Variants in STXBP4 observed in about 807,000 individuals in gnomAD.
STXBP4 encodes syntaxin-binding protein 4.
STXBP4 carries 55 observed loss-of-function variants against 76.1 expected under a neutral mutation model. The ratio of observed to expected loss-of-function variants is 0.72; its 90% confidence interval spans 0.58 to 0.91. The LOEUF is 0.91. STXBP4 is among the 40% of genes least tolerant of loss of function. The pLI, the probability that STXBP4 is intolerant of heterozygous loss-of-function variation, is 0.00. For synonymous variants in STXBP4, 201 were observed against 220.2 expected, an observed-to-expected ratio of 0.91 and a Z score of 0.77; for missense variants, 618 against 636.9, an observed-to-expected ratio of 0.97 and a Z score of 0.32.
In STXBP4 at chr17:55,161,568, G is replaced by C. The variant is rs1034598878; in HGVS notation, c.*1657G>C. 1.3e-5 allele frequency: 2 copies of C among 152,164 alleles called. No individual in the cohort carries two copies. Among genetic ancestry groups the C allele is most frequent in the Admixed American group, 6.5e-5 (1 of 15,276 alleles). The allele number at this position is 152,164 out of a possible 1,614,324, so 9.4% of individuals were successfully genotyped here. On this transcript the variant is annotated 3_prime_UTR_variant, in exon 18 of 18. Transcript: ENST00000376352. ...AGTGAGCAAAACAAAGAAGGTGCTT[G>C]AGTCACTGAAATCAAAGTACTCAGG...
intron 17 of STXBP4, among the ~76,000 whole-genome samples, chr17:55,158,103 G>T (rs1028704231): frequency 2.0e-5 from 3 of 152,038 alleles, no homozygotes; most frequent in Non-Finnish European, 4.4e-5. Flanking sequence ...GTCTTGTTCT[G>T]TCACCCAGGC....
intron 12 of STXBP4, among the ~76,000 whole-genome samples, chr17:55,072,078 G>A (rs1400048907): frequency 1.3e-5 from 2 of 152,142 alleles, no homozygotes; most frequent in Non-Finnish European, 2.9e-5. Flanking sequence ...AGGTATACCT[G>A]TATGGGGTTT....
chr17:55,179,559 C>A, the STXBP4 span, among the ~76,000 whole-genome samples: 1 of 152,116 alleles, frequency 6.6e-6, no homozygotes. Context: ...CTGCATGGGT[C>A]CACATATACA....
chr17:55,115,840 A>G (rs974966424), intron 16 of STXBP4, among the ~76,000 whole-genome samples: 1 of 151,870 alleles, frequency 6.6e-6, no homozygotes, highest in African/African-American at 2.4e-5. Flanking sequence ...TCCAGCATCT[A>G]GGGTTATTTT....
intron 16 of STXBP4, among the ~76,000 whole-genome samples, chr17:55,103,885 A>G (rs937529959): frequency 6.6e-6 from 1 of 152,104 alleles, no homozygotes; most frequent in Non-Finnish European, 1.5e-5. Flanking sequence ...TTCTCTTTGT[A>G]GCAATTGTGA....
chr17:55,072,974 G>A lies in STXBP4; in HGVS notation c.1086G>A (p.Gln362=). ...ATCTTGCTGAAGCTGCTCAGAGACA[G>A]GCACATGGAATGGAAATGGACTATG... ...RIHLAEAAQR[Q]AHGMEMDYEE... The change falls in exon 13 of 18, where the codon CAG becomes CAA. Residue 362 remains glutamine (Q), a synonymous_variant. Transcript: ENST00000376352. 6.2e-7 allele frequency: 1 copy of A among 1,613,958 alleles called. No homozygotes were observed. The highest frequency in any genetic ancestry group is 8.5e-7 in the Non-Finnish European group (1 of 1,179,914).
chr17:55,208,573 G>GAGAAGAA, the STXBP4 span, among the ~76,000 whole-genome samples: 3 of 57,514 alleles, frequency 5.2e-5, no homozygotes, highest in Non-Finnish European at 1.2e-4. Context: ...AAGGGAGGGA[G>GAGAAGAA]GGAAGAAGGA....
At chr17:55,098,615 C>T (rs754977938) in intron 16 of STXBP4, among the ~76,000 whole-genome samples, 8 of 152,102 alleles carry the variant, frequency 5.3e-5, no homozygotes, top group Non-Finnish European at 8.8e-5. Context: ...CAGGAGTGTG[C>T]CTGATGTGTT....
intron 16 of STXBP4, among the ~76,000 whole-genome samples, chr17:55,090,136 A>G (rs888725120): frequency 2.0e-5 from 3 of 151,986 alleles, no homozygotes; most frequent in African/African-American, 4.8e-5. Context: ...AAAGTCAAAG[A>G]CAGGCTGGGG....
intron 17 of STXBP4, among the ~76,000 whole-genome samples, chr17:55,154,056 A>T (rs1382728106): frequency 2.0e-5 from 3 of 152,118 alleles, no homozygotes; most frequent in Non-Finnish European, 2.9e-5. Context: ...CAGTGACTTC[A>T]TGCTCACAAA....
At chr17:55,045,677 C>T (rs529398129) in intron 11 of STXBP4, among the ~76,000 whole-genome samples, 159 of 152,068 alleles carry the variant, frequency 1.0e-3, no homozygotes, top group Non-Finnish European at 1.9e-3. Context: ...TATGACAAAA[C>T]CTAAACTCCC....
chr17:55,184,535 A>T, the STXBP4 span, among the ~76,000 whole-genome samples: 1 of 152,174 alleles, frequency 6.6e-6, no homozygotes, highest in East Asian at 1.9e-4. Flanking sequence ...GTGCTTTTAA[A>T]CTTTATGTAG....
chr17:55,192,803 G>A, the STXBP4 span, among the ~76,000 whole-genome samples: 1 of 152,192 alleles, frequency 6.6e-6, no homozygotes, highest in Non-Finnish European at 1.5e-5. Flanking sequence ...CAGCCAGTAT[G>A]TAGTGAAGGC....
At chr17:55,052,729 C>T (rs896209707) in intron 12 of STXBP4, among the ~76,000 whole-genome samples, 1 of 151,674 alleles carries the variant, frequency 6.6e-6, no homozygotes, top group Non-Finnish European at 1.5e-5. Flanking sequence ...ATGTTGATAT[C>T]ACCAATGAAG....
intron 8 of STXBP4, among the ~76,000 whole-genome samples, chr17:55,021,456 C>T (rs1398799234): frequency 6.6e-6 from 1 of 152,032 alleles, no homozygotes; most frequent in Non-Finnish European, 1.5e-5. Flanking sequence ...CCCAGGAGTT[C>T]CAGGCTGCAG....
intron 1 of STXBP4, among the ~76,000 whole-genome samples, chr17:54,974,550 T>C (rs2077441740): frequency 1.3e-5 from 2 of 152,236 alleles, no homozygotes; most frequent in South Asian, 4.1e-4. Flanking sequence ...GTAATGTTTA[T>C]CAAGATCAGG....
chr17:55,118,492 G>T (rs551360189), intron 16 of STXBP4, among the ~76,000 whole-genome samples: 2 of 152,068 alleles, frequency 1.3e-5, no homozygotes, highest in African/African-American at 4.8e-5. Flanking sequence ...AGTATAAGTT[G>T]CCTGTGAAAC....
chr17:55,094,984 T>C (rs1674085015), intron 16 of STXBP4, among the ~76,000 whole-genome samples: 3 of 152,208 alleles, frequency 2.0e-5, no homozygotes, highest in Admixed American at 2.0e-4. Flanking sequence ...TGTGATACTT[T>C]AATCACATAC....
intron 16 of STXBP4, among the ~76,000 whole-genome samples, chr17:55,111,151 CTATTCTCTAG>C (rs781148388): frequency 1.4e-4 from 21 of 152,158 alleles, no homozygotes; most frequent in Non-Finnish European, 2.4e-4. Context: ...TCCCTACAGT[CTATTCTCTAG>C]TAGCCTTCAA....
Sources: allele counts gnomAD v4.1 joint callset (sites outside exome capture counted in the v4.1 genomes callset), GRCh38; gene constraint gnomAD v4.1.1; transcripts MANE v1.5; gene names NCBI Gene and HGNC (gene_info 2026-07-23, HGNC 2026-07-21).